Variants in IQSEC1 observed in about 807,000 individuals in gnomAD.
IQSEC1 encodes the protein IQ motif and Sec7 domain ArfGEF 1.
In IQSEC1, 31 loss-of-function variants were observed where a neutral mutation model predicts 91.0. That is an observed-to-expected ratio of 0.34 (90% confidence interval 0.26 to 0.46). The LOEUF is 0.46. IQSEC1 is among the 20% of genes least tolerant of loss of function. IQSEC1 has a pLI of 1.00. For missense variants in IQSEC1, 1,388 were observed against 1,575.6 expected, an observed-to-expected ratio of 0.88 and a Z score of 2.02; for synonymous variants, 699 against 662.6, an observed-to-expected ratio of 1.05 and a Z score of -0.84.
intron 1 of IQSEC1, among the ~76,000 whole-genome samples, chr3:13,029,224 A>G (rs375449159): frequency 5.9e-5 from 9 of 152,218 alleles, no homozygotes; most frequent in South Asian, 4.1e-4. Context: ...AGGGCTACTG[A>G]ATGGTTCCTG....
chr3:13,138,388 C>T (rs925351763), intron 2 of IQSEC1, among the ~76,000 whole-genome samples: 1 of 152,008 alleles, frequency 6.6e-6, no homozygotes, highest in Non-Finnish European at 1.5e-5. Flanking sequence ...GGCCTTGGAA[C>T]CCCACCTGGG....
intron 4 of IQSEC1, among the ~76,000 whole-genome samples, chr3:12,923,466 A>G (rs1373714811): frequency 1.3e-5 from 2 of 152,188 alleles, no homozygotes; most frequent in Admixed American, 6.5e-5. Flanking sequence ...AAAGATGCCC[A>G]GCCTGTGCAT....
At chr3:12,945,323 T>C (rs1411792746) in intron 1 of IQSEC1, among the ~76,000 whole-genome samples, 2 of 151,938 alleles carry the variant, frequency 1.3e-5, no homozygotes, top group Non-Finnish European at 2.9e-5. Context: ...GTCCAGAACA[T>C]GCTTGGGAGT....
chr3:13,138,519 T>C (rs566389834), intron 2 of IQSEC1, among the ~76,000 whole-genome samples: 1 of 152,214 alleles, frequency 6.6e-6, no homozygotes, highest in East Asian at 1.9e-4. Flanking sequence ...CAGGCTGTCC[T>C]ACTCCCACCA....
chr3:12,967,697 G>T lies in IQSEC1; in HGVS notation c.24-25832C>A. ...TCCGCCGCCGCCCGCTTGGCGCAGC[G>T]CGAGGCCGGGCCGGAGGAATGTGGC... is the stretch of plus-strand genomic sequence containing the variant. On this transcript the variant is annotated intron_variant, in intron 1 of 13. Coordinates refer to ENST00000613206, the MANE Select transcript of IQSEC1 (RefSeq NM_001134382.3). The surrounding 1 kb of genome is among the most constrained non-coding windows in gnomAD (Gnocchi z 5.9). 8.8e-7 allele frequency: 1 copy of T among 1,139,976 alleles called. No individual in the cohort carries two copies. The highest frequency in any genetic ancestry group is 1.1e-6 in the Non-Finnish European group (1 of 930,536). 70.6% of individuals were successfully genotyped at this position (1,139,976 alleles called of 1,614,324 possible).
chr3:13,043,105 G>T (rs1704349198), intron 1 of IQSEC1, among the ~76,000 whole-genome samples: 1 of 152,142 alleles, frequency 6.6e-6, no homozygotes, highest in African/African-American at 2.4e-5. Flanking sequence ...AAATGGAACC[G>T]CTATGACAGC....
In IQSEC1 at chr3:13,091,218, G is replaced by A. The variant is rs535960185; in HGVS notation, c.303-43696C>T. Reference sequence around the variant, plus strand: ...TCACTCAGGTGCATGCCTTGACCCCGTCACCACTCTCCGAGGGCAGCAGCA... The same window carrying A: ...TCACTCAGGTGCATGCCTTGACCCCATCACCACTCTCCGAGGGCAGCAGCA... On this transcript the variant is annotated intron_variant, in intron 2 of 15. Transcript: ENST00000648114. Among the ~76,000 whole-genome samples, 15 of 152,238 alleles carry A rather than the reference G, an allele frequency of 9.9e-5. No homozygotes were observed. In the East Asian group the frequency reaches 1.9e-3, roughly 20 times the overall value.
At chr3:13,197,916 G>T (rs1310683644) in intron 1 of IQSEC1, among the ~76,000 whole-genome samples, 1 of 152,226 alleles carries the variant, frequency 6.6e-6, no homozygotes, top group African/African-American at 2.4e-5. Context: ...GCCCAAGGCT[G>T]CCCAGCAGGA....
At chr3:13,109,804 T>A (rs368203939) in intron 2 of IQSEC1, among the ~76,000 whole-genome samples, 25 of 142,024 alleles carry the variant, frequency 1.8e-4, no homozygotes, top group Middle Eastern at 3.6e-3. Flanking sequence ...TTTTTTTTTT[T>A]AAATAAATTA....
chr3:13,251,972 C>CA (rs1304224781), intron 1 of IQSEC1, among the ~76,000 whole-genome samples: 1 of 152,222 alleles, frequency 6.6e-6, no homozygotes, highest in Non-Finnish European at 1.5e-5. Context: ...AGCAGCAGAG[C>CA]AAACCCAGAG....
At chr3:13,065,578 A>G (rs1173903091) in intron 1 of IQSEC1, among the ~76,000 whole-genome samples, 2 of 152,314 alleles carry the variant, frequency 1.3e-5, no homozygotes, top group East Asian at 3.9e-4. Flanking sequence ...AGAAAAACAG[A>G]AAGTAATGAG....
chr3:13,235,226 G>C (rs755008798), intron 1 of IQSEC1, among the ~76,000 whole-genome samples: 3 of 152,172 alleles, frequency 2.0e-5, no homozygotes, highest in Non-Finnish European at 1.5e-5. Flanking sequence ...CCCTCAGTCA[G>C]GGCTTCTCCC....
chr3:13,138,345 T>C (rs1706744419), intron 2 of IQSEC1, among the ~76,000 whole-genome samples: 1 of 151,708 alleles, frequency 6.6e-6, no homozygotes, highest in South Asian at 2.1e-4. Flanking sequence ...AAGCAGGCCC[T>C]AGGTGTCTCG....
intron 1 of IQSEC1, among the ~76,000 whole-genome samples, chr3:13,012,179 G>A (rs535119978): frequency 3.3e-5 from 5 of 152,238 alleles, no homozygotes; most frequent in Non-Finnish European, 5.9e-5. Flanking sequence ...CTGCACCCCC[G>A]GCATGGCCCA....
intron 2 of IQSEC1, among the ~76,000 whole-genome samples, chr3:13,100,764 G>C (rs1380309424): frequency 2.0e-5 from 3 of 148,924 alleles, no homozygotes; most frequent in Non-Finnish European, 4.5e-5. Flanking sequence ...TTGGACACTG[G>C]TCTGGGCCAT....
chr3:12,954,620 A>G (rs991995373), intron 1 of IQSEC1, among the ~76,000 whole-genome samples: 5 of 152,154 alleles, frequency 3.3e-5, no homozygotes, highest in Non-Finnish European at 7.4e-5. Context: ...ATCTGACTCC[A>G]TCTTTTATCC....
At chr3:13,216,305 A>G (rs573993470) in intron 1 of IQSEC1, among the ~76,000 whole-genome samples, 1 of 152,262 alleles carries the variant, frequency 6.6e-6, no homozygotes, top group Non-Finnish European at 1.5e-5. Context: ...CATCCCCTAC[A>G]CCAGCAGCCC....
rs150374848 is a variant in IQSEC1, at chr3:13,211,646, T to C, written c.273-47513A>G. On this transcript the variant is annotated intron_variant, in intron 1 of 15. Coordinates refer to the IQSEC1 transcript ENST00000648114. This position sits in a 1 kb window ranked among gnomAD's most constrained non-coding sequence, Gnocchi z 5.3. ...AAGTCTGATCCCCTCAGCCTATCCCTGAAGGCCAGGCCAGGACCCACGAAC... is the reference window on the plus strand; with the variant it reads ...AAGTCTGATCCCCTCAGCCTATCCCCGAAGGCCAGGCCAGGACCCACGAAC... Among the ~76,000 whole-genome samples, 59 of 152,238 alleles carry C rather than the reference T, an allele frequency of 3.9e-4. No individual in the cohort carries two copies. Among genetic ancestry groups the C allele is most frequent in the African/African-American group, 1.3e-3 (55 of 41,552 alleles).
At chr3:13,265,695 C>A (rs191701376) in intron 1 of IQSEC1, among the ~76,000 whole-genome samples, 1 of 152,180 alleles carries the variant, frequency 6.6e-6, no homozygotes, top group Non-Finnish European at 1.5e-5. Flanking sequence ...TAAGCCCCAG[C>A]CATCACATCC....
Sources: gnomAD v4.1 joint callset for allele counts (sites outside exome capture counted in the v4.1 genomes callset) on GRCh38, gnomAD v4.1.1 for gene constraint, Gnocchi (gnomAD v3.1) non-coding constraint, MANE v1.5 for transcripts, NCBI Gene and HGNC (gene_info 2026-07-23, HGNC 2026-07-21) for gene names.